Variants in SORD observed in about 807,000 individuals in gnomAD.
SORD encodes the protein sorbitol dehydrogenase, also known as (R,R)-butanediol dehydrogenase.
A neutral mutation model predicts 35.6 loss-of-function variants in SORD; 18 were observed. That is an observed-to-expected ratio of 0.51 (90% CI 0.35 to 0.75). The LOEUF (loss-of-function observed/expected upper bound fraction) is 0.75. SORD is among the 30% of genes least tolerant of loss of function. The pLI, the probability that SORD is intolerant of heterozygous loss-of-function variation, is 0.01. For synonymous variants in SORD, 106 were observed against 152.9 expected (o/e 0.69, Z 2.26); for missense variants, 250 against 390.2 (o/e 0.64, Z 3.03).
At position 45,068,947 on chromosome 15, in the gene SORD, G is replaced by C. The variant is rs550590224; in HGVS notation, c.681G>C (p.Glu227Asp). 1 of 1,594,378 alleles carries C rather than the reference G, an allele frequency of 6.3e-7. No individual in the cohort carries two copies. The highest frequency in any genetic ancestry group is 2.3e-5 in the East Asian group (1 of 44,164). ...GADLVLQISKESPQEIARKVE... is the reference protein window; with the variant it reads ...GADLVLQISKDSPQEIARKVE... ...ATTTAGTCCTCCAGATCTCCAAGGA[G>C]AGCCCTCAGGAAATCGCCAGGAAAG... Residue 227 changes from glutamate (E) to aspartate (D), a missense_variant, in exon 7 of 9, where the codon GAG (glutamate) becomes GAC (aspartate). By Grantham distance (45) the Glu-to-Asp change is conservative. Around this residue, in one of 8 missense-constraint regions of SORD, gnomAD observed 44 missense variants for 54.5 expected, o/e 0.81. Transcript: ENST00000267814.
intron 3 of SORD, among the ~76,000 whole-genome samples, chr15:45,047,483 C>T (rs1893063065): frequency 6.6e-6 from 1 of 152,086 alleles, no homozygotes; most frequent in Admixed American, 6.5e-5. Context: ...GTTTCCTCAT[C>T]GCTAAAGCAG....
At chr15:45,062,506 G>A (rs370607604) in intron 4 of SORD, among the ~76,000 whole-genome samples, 12,491 of 121,988 alleles carry the variant, frequency 0.1, 371 homozygotes, top group African/African-American at 0.18. Context: ...GGCTTGTCCG[G>A]TGGAGGCCAG....
At chr15:45,041,138 T>C (rs536814547) in intron 2 of SORD, among the ~76,000 whole-genome samples, 3 of 152,212 alleles carry the variant, frequency 2.0e-5, no homozygotes, top group Non-Finnish European at 2.9e-5. Context: ...ACTTCCCAGC[T>C]TTGGGTTTCT....
chr15:45,073,643 T>A lies in SORD; in HGVS notation c.*113T>A. 7.7e-7 allele frequency: 1 copy of A among 1,300,392 alleles called. No individual in the cohort carries two copies. Among genetic ancestry groups the A allele is most frequent in the Non-Finnish European group, 1.0e-6 (1 of 958,044 alleles). The allele number at this position is 1,300,392 out of a possible 1,614,324, so 80.6% of individuals were successfully genotyped here. ...TCTTTTGAATGTTAAGAATAACTAA[T>A]ACAATTCATTGTGAACAGAAGTCCT... On this transcript the variant is annotated 3_prime_UTR_variant, in exon 9 of 9. Coordinates refer to ENST00000267814, the MANE Select transcript of SORD (RefSeq NM_003104.6).
intron 1 of SORD, among the ~76,000 whole-genome samples, chr15:45,034,049 C>T (rs199976478): frequency 0.022 from 3,128 of 139,034 alleles, no homozygotes; most frequent in East Asian, 0.16. Flanking sequence ...TTCTATTTAA[C>T]ATGCTTTACT....
chr15:45,028,454 C>G (rs1725105857), intron 1 of SORD, among the ~76,000 whole-genome samples: 1 of 152,248 alleles, frequency 6.6e-6, no homozygotes, highest in African/African-American at 2.4e-5. Context: ...TTCCTGAAAG[C>G]TGGCTCTTCC....
chr15:45,046,014 A>G (rs1893041541), intron 3 of SORD, among the ~76,000 whole-genome samples: 1 of 151,950 alleles, frequency 6.6e-6, no homozygotes, highest in Non-Finnish European at 1.5e-5. Flanking sequence ...ACAATAAAAT[A>G]AAATAAAATT....
chr15:45,035,809 G>C (rs146338628), intron 1 of SORD, among the ~76,000 whole-genome samples: 1 of 141,966 alleles, frequency 7.0e-6, no homozygotes, highest in East Asian at 2.1e-4. Context: ...AACTCCAGAC[G>C]CGCCGCCTTA....
chr15:45,066,244 CAAAAAAAAAA>C (rs36027648), intron 5 of SORD, among the ~76,000 whole-genome samples: 1 of 68,988 alleles, frequency 1.4e-5, no homozygotes, highest in Non-Finnish European at 2.9e-5. Context: ...GATTCTGTCT[CAAAAAAAAAA>C]AAAAAAAAAG....
chr15:45,060,783 G>A (rs1047425071), intron 3 of SORD, among the ~76,000 whole-genome samples: 10 of 152,134 alleles, frequency 6.6e-5, no homozygotes, highest in Non-Finnish European at 1.0e-4. Context: ...AAAAGGGCAG[G>A]CCACACTGGG....
At chr15:45,041,001 A>G (rs779648371) in intron 2 of SORD, among the ~76,000 whole-genome samples, 25 of 152,254 alleles carry the variant, frequency 1.6e-4, no homozygotes, top group Non-Finnish European at 2.6e-4. Flanking sequence ...TAATCAACCA[A>G]GCACAGAAAG....
chr15:45,055,606 C>A (rs951469049), intron 3 of SORD, among the ~76,000 whole-genome samples: 12 of 152,214 alleles, frequency 7.9e-5, no homozygotes, highest in Admixed American at 7.8e-4. Context: ...TTCCAATCAA[C>A]AGAAAAAGAG....
intron 1 of SORD, among the ~76,000 whole-genome samples, chr15:45,034,677 T>C (rs1892831953): frequency 6.6e-6 from 1 of 152,192 alleles, no homozygotes; most frequent in South Asian, 2.1e-4. Context: ...GTGCTGGCAG[T>C]CCTCACAGCC....
chr15:45,024,673 C>A (rs1892642248), intron 1 of SORD, among the ~76,000 whole-genome samples: 1 of 152,084 alleles, frequency 6.6e-6, no homozygotes, highest in South Asian at 2.1e-4. Flanking sequence ...TGGTCCAGCT[C>A]TACCCAGCTT....
chr15:45,067,280 T>C (rs1893422588), intron 5 of SORD, among the ~76,000 whole-genome samples: 1 of 152,126 alleles, frequency 6.6e-6, no homozygotes, highest in Non-Finnish European at 1.5e-5. Context: ...GAGAATTGCT[T>C]GAACCCGGGA....
intron 1 of SORD, 79 bp downstream of exon 1, chr15:45,023,428 A>C: frequency 2.4e-6 from 3 of 1,238,060 alleles, no homozygotes; most frequent in South Asian, 4.0e-5. Flanking sequence ...CTGGCTTCCC[A>C]CTTCCAGCCT....
At chr15:45,032,293 TTTATG>T (rs1892799510) in intron 1 of SORD, among the ~76,000 whole-genome samples, 1 of 152,172 alleles carries the variant, frequency 6.6e-6, no homozygotes, top group African/African-American at 2.4e-5. Context: ...GATGGTAAAT[TTTATG>T]TTATGTATTT....
At chr15:45,049,891 A>T (rs761853550) in intron 3 of SORD, among the ~76,000 whole-genome samples, 2 of 152,234 alleles carry the variant, frequency 1.3e-5, no homozygotes, top group Non-Finnish European at 2.9e-5. Flanking sequence ...TAAGTTTTGA[A>T]GCATATTTTT....
At chr15:45,045,335 T>A (rs1254380998) in intron 3 of SORD, among the ~76,000 whole-genome samples, 1 of 151,920 alleles carries the variant, frequency 6.6e-6, no homozygotes, top group Non-Finnish European at 1.5e-5. Flanking sequence ...GTCAGGGGTT[T>A]GAGACCAGCC....
Sources: gnomAD v4.1 joint callset for allele counts (sites outside exome capture counted in the v4.1 genomes callset) on GRCh38, gnomAD v4.1.1 for gene constraint, gnomAD v4.1.1 regional missense constraint, MANE v1.5 for transcripts, NCBI Gene and HGNC (gene_info 2026-07-23, HGNC 2026-07-21) for gene names.